SGCD: variants seen among roughly 807,000 people sequenced by gnomAD.
SGCD encodes the protein delta-sarcoglycan.
In SGCD, 18 loss-of-function variants were observed where a neutral mutation model predicts 36.6. The ratio of observed to expected loss-of-function variants is 0.49; its 90% confidence interval spans 0.34 to 0.73. The LOEUF (loss-of-function observed/expected upper bound fraction) is 0.73, where lower values mean the gene tolerates loss of function less well. Ranked by LOEUF, SGCD falls within the 30% of genes least tolerant of loss-of-function variation. The pLI, the probability that SGCD is intolerant of heterozygous loss-of-function variation, is 0.01. For synonymous variants in SGCD, 133 were observed against 130.6 expected (o/e 1.02, Z -0.12); for missense variants, 387 against 346.7 (o/e 1.12, Z -0.92).
chr5:156,086,723 A>G (rs1202912935), intron 1 of SGCD, among the ~76,000 whole-genome samples: 1 of 152,212 alleles, frequency 6.6e-6, no homozygotes, highest in Non-Finnish European at 1.5e-5. Flanking sequence ...TAAGGGAAAC[A>G]TGGTGCAAGG....
chr5:155,856,787 A>T, the SGCD span, among the ~76,000 whole-genome samples: 1 of 152,232 alleles, frequency 6.6e-6, no homozygotes. Flanking sequence ...AAGGAAAACT[A>T]CAATGAGATA....
rs535355707 is a variant in SGCD, at chr5:156,234,357, AC to A, written c.-43-95176del. Among the ~76,000 whole-genome samples the A allele has an allele frequency of 3.9e-3, 589 of 152,306 alleles. 1 individual carries two copies. The highest frequency in any genetic ancestry group is 0.012 in the African/African-American group (519 of 41,566). ...GTCTTTTCAGTCTCTTAACCCAGCA[AC>A]TTTATACATATTTAAAAATATAAAT... On this transcript the variant is annotated intron_variant, in intron 3 of 9. Coordinates refer to the SGCD transcript ENST00000517913.
intron 1 of SGCD, among the ~76,000 whole-genome samples, chr5:156,058,730 A>G (rs1760127201): frequency 6.8e-6 from 1 of 146,646 alleles, no homozygotes; most frequent in Non-Finnish European, 1.5e-5. Context: ...TTACATTATG[A>G]TTAATGAAAA....
intron 1 of SGCD, among the ~76,000 whole-genome samples, chr5:156,112,427 G>A (rs772035753): frequency 1.3e-5 from 2 of 151,772 alleles, no homozygotes; most frequent in African/African-American, 2.4e-5. Flanking sequence ...GGATTCTTAA[G>A]ACATATTAAA....
chr5:156,640,416 A>G (rs531853140), intron 6 of SGCD, among the ~76,000 whole-genome samples: 26 of 152,202 alleles, frequency 1.7e-4, no homozygotes, highest in Non-Finnish European at 3.7e-4. Flanking sequence ...TTGAAAATGC[A>G]TGATTTACAA....
At chr5:156,743,687 G>C (rs553901513) in intron 7 of SGCD, among the ~76,000 whole-genome samples, 1 of 152,276 alleles carries the variant, frequency 6.6e-6, no homozygotes, top group East Asian at 1.9e-4. Context: ...ACTGCTTTCT[G>C]AGAGAAATAG....
chr5:156,125,058 G>C (rs796956391), intron 3 of SGCD, among the ~76,000 whole-genome samples: 10 of 152,270 alleles, frequency 6.6e-5, no homozygotes, highest in African/African-American at 2.4e-4. Flanking sequence ...CTGGTTAAAA[G>C]CACTGGGGAA....
chr5:156,458,353 A>T, intron 3 of SGCD: 2 of 1,221,896 alleles, frequency 1.6e-6, no homozygotes, highest in South Asian at 2.6e-5. Flanking sequence ...GTTTTGGGGG[A>T]TTACTTTTCT....
chr5:156,425,711 G>A (rs548301984), intron 3 of SGCD, among the ~76,000 whole-genome samples: 3 of 151,840 alleles, frequency 2.0e-5, no homozygotes, highest in East Asian at 1.9e-4. Flanking sequence ...CCTCACCCAC[G>A]AACTCACGCT....
At chr5:155,744,001 A>T in the SGCD span, among the ~76,000 whole-genome samples, 1 of 152,200 alleles carries the variant, frequency 6.6e-6, no homozygotes, top group African/African-American at 2.4e-5. Context: ...TCTTTGGAGG[A>T]AAGCATTTCC....
At chr5:155,891,558 C>CTTTTTTTTTTTTTTTTTTGTTTTTTT (rs1756130508) in intron 1 of SGCD, among the ~76,000 whole-genome samples, 1 of 60,778 alleles carries the variant, frequency 1.6e-5, no homozygotes, top group Non-Finnish European at 2.8e-5. Flanking sequence ...AATAAATACT[C>CTTTTTTTTTTTTTTTTTTGTTTTTTT]TTTTTTTTTT....
chr5:156,584,319 T>C (rs1401672674), intron 4 of SGCD, among the ~76,000 whole-genome samples: 1 of 152,192 alleles, frequency 6.6e-6, no homozygotes, highest in Non-Finnish European at 1.5e-5. Flanking sequence ...CATTTCACCT[T>C]CTACTTTGTG....
At chr5:155,824,573 A>G in the SGCD span, among the ~76,000 whole-genome samples, 1,114 of 152,314 alleles carry the variant, frequency 7.3e-3, 13 homozygotes, top group African/African-American at 0.023. Context: ...ATGATTTATC[A>G]TAAAATTTAT....
intron 4 of SGCD, among the ~76,000 whole-genome samples, chr5:156,575,081 C>A (rs928330864): frequency 1.3e-5 from 2 of 152,180 alleles, no homozygotes; most frequent in Non-Finnish European, 2.9e-5. Flanking sequence ...TGGCCAAAAG[C>A]CAGAGAAGTT....
At chr5:156,418,197 T>C (rs546357488) in intron 3 of SGCD, among the ~76,000 whole-genome samples, 2 of 152,304 alleles carry the variant, frequency 1.3e-5, no homozygotes, top group South Asian at 2.1e-4. Flanking sequence ...GTGCCCAAAC[T>C]GGTCATGGAT....
intron 1 of SGCD, among the ~76,000 whole-genome samples, chr5:155,939,312 C>T (rs1757276623): frequency 6.6e-6 from 1 of 152,124 alleles, no homozygotes; most frequent in Admixed American, 6.5e-5. Flanking sequence ...TCATGTTGTA[C>T]ACACTAAATA....
At chr5:156,231,971 A>G (rs1001076615) in intron 3 of SGCD, among the ~76,000 whole-genome samples, 3 of 152,196 alleles carry the variant, frequency 2.0e-5, no homozygotes, top group African/African-American at 7.2e-5. Context: ...GACTAGCTTT[A>G]GGATTGATCC....
upstream of SGCD, among the ~76,000 whole-genome samples, chr5:155,865,670 A>G (rs528510176): frequency 3.3e-5 from 5 of 152,328 alleles, no homozygotes; most frequent in African/African-American, 4.8e-5. Flanking sequence ...ATGCTGGCTC[A>G]CTGAATTATG....
At chr5:156,450,019 G>C (rs967729989) in intron 3 of SGCD, among the ~76,000 whole-genome samples, 1 of 152,102 alleles carries the variant, frequency 6.6e-6, no homozygotes, top group Admixed American at 6.6e-5. Context: ...TCTCAAGATG[G>C]GAGGAAGGAT....
Sources: gnomAD v4.1 joint callset for allele counts (sites outside exome capture counted in the v4.1 genomes callset) on GRCh38, gnomAD v4.1.1 for gene constraint, MANE v1.5 for transcripts, NCBI Gene and HGNC (gene_info 2026-07-23, HGNC 2026-07-21) for gene names.